The following AKR1B1 variants were observed in gnomAD, a reference collection of about 807,000 sequenced individuals.
AKR1B1 encodes aldo-keto reductase family 1 member B, also known as aldo-keto reductase family 1 member B1.
AKR1B1 carries 22 observed loss-of-function variants against 40.4 expected under a neutral mutation model. The observed-to-expected ratio is 0.54, with a 90% CI of 0.39 to 0.78. The LOEUF is 0.78. Ranked by LOEUF, AKR1B1 falls within the 30% of genes least tolerant of loss-of-function variation. The pLI, the probability that AKR1B1 is intolerant of heterozygous loss-of-function variation, is 0.00. For synonymous variants in AKR1B1, 157 were observed against 149.9 expected, an observed-to-expected ratio of 1.05 and a Z score of -0.35; for missense variants, 357 against 396.7, an observed-to-expected ratio of 0.90 and a Z score of 0.85.
rs746258378 is a variant in AKR1B1, at chr7:134,447,298, C to T, written c.825G>A (p.Lys275=). The change falls in exon 8 of 10, where the codon AAG becomes AAA. Residue 275 remains lysine (K), a splice_region_variant and synonymous_variant. Transcript: ENST00000285930. ...VTPERIAENF[K]VFDFELSSQD... is the part of the protein sequence containing the mutation. ...CAGGCCTGACCAGCCAAGATCTTAC[C>T]TTAAAGTTCTCAGCAATGCGTTCTG... 6.2e-7 allele frequency: 1 copy of T among 1,613,826 alleles called. No individual in the cohort carries two copies. Among genetic ancestry groups the T allele is most frequent in the Non-Finnish European group, 8.5e-7 (1 of 1,179,782 alleles).
chr7:134,444,405 A>C (rs1252878056), intron 9 of AKR1B1, among the ~76,000 whole-genome samples: 3 of 152,374 alleles, frequency 2.0e-5, no homozygotes, highest in African/African-American at 7.2e-5. Flanking sequence ...AGCCACCAGC[A>C]GTGCAAACTC....
intron 6 of AKR1B1, 75 bp from the exon 7 acceptor site, chr7:134,448,136 C>G: frequency 7.8e-7 from 1 of 1,278,180 alleles, no homozygotes; most frequent in Non-Finnish European, 1.1e-6. Context: ...CAACCCTAAT[C>G]CTCCCATCGA....
chr7:134,458,896 C>A, intron 1 of AKR1B1, 101 bp downstream of exon 1: 1 of 1,378,860 alleles, frequency 7.3e-7, no homozygotes. Flanking sequence ...GCCGGGCGTC[C>A]GCGGGGCGAG....
At position 134,447,953 on chromosome 7, in the gene AKR1B1, G is replaced by A. The variant is rs376109558; in HGVS notation, c.741+27C>T. 4.3e-5 allele frequency: 69 copies of A among 1,595,066 alleles called. No homozygotes were observed. In the African/African-American group the frequency reaches 5.9e-4, roughly 14 times the overall value. On this transcript the variant is annotated intron_variant, in intron 7 of 9. Coordinates refer to ENST00000285930, the MANE Select transcript of AKR1B1 (RefSeq NM_001628.4). ...GTCAGGAATGCAGGCAGTTGTGGAC[G>A]GTCAGCAACACCTGAAGTGGCTGTA...
rs148734072 is a variant in AKR1B1 at position 134,457,181 on chromosome 7, T to A, written c.66+1816A>T. Among the ~76,000 whole-genome samples the A allele has an allele frequency of 6.3e-4, 96 of 152,080 alleles. 1 individual carries two copies. The highest frequency in any genetic ancestry group is 2.2e-3 in the African/African-American group (90 of 41,478). On this transcript the variant is annotated intron_variant, in intron 1 of 9. Coordinates refer to ENST00000285930, the MANE Select transcript of AKR1B1 (RefSeq NM_001628.4). ...TTACTCCTTATTTACCCTAGAGTAG[T>A]GATTTTCAAATGATGGGTCACAAAA...
At chr7:134,444,254 T>C (rs116180688) in intron 9 of AKR1B1, among the ~76,000 whole-genome samples, 1 of 152,258 alleles carries the variant, frequency 6.6e-6, no homozygotes, top group Non-Finnish European at 1.5e-5. Flanking sequence ...GCCTGTGACA[T>C]GCTCTGTTTG....
rs1034411005 is a variant in AKR1B1, at chr7:134,451,177, T to A, written c.235-275A>T. On this transcript the variant is annotated intron_variant, in intron 2 of 9. Transcript: ENST00000285930. ...GGCCTAAGCAAGAACTCTCGAAACT[T>A]TCCCCCCGGGCTGGTGTTTGTGGAG... 4 of 559,336 alleles carry A rather than the reference T, an allele frequency of 7.2e-6. No homozygotes were observed. The South Asian group carries it at 7.9e-5, about 11-fold the overall frequency. The allele number at this position is 559,336 out of a possible 1,614,324, so 34.6% of individuals were successfully genotyped here.
chr7:134,443,463 T>C (rs183198338), intron 9 of AKR1B1, among the ~76,000 whole-genome samples: 3 of 151,732 alleles, frequency 2.0e-5, no homozygotes, highest in Admixed American at 2.0e-4. Context: ...TCTCAAAGGA[T>C]AAGAGAAGCA....
chr7:134,446,463 C>T (rs2734656), intron 8 of AKR1B1, among the ~76,000 whole-genome samples: 1 of 152,244 alleles, frequency 6.6e-6, no homozygotes, highest in Admixed American at 6.5e-5. Flanking sequence ...CATGGCTGTG[C>T]TGCGCTCGGC....
chr7:134,453,329 C>T (rs1806352621), intron 1 of AKR1B1, among the ~76,000 whole-genome samples: 2 of 152,194 alleles, frequency 1.3e-5, no homozygotes, highest in Non-Finnish European at 2.9e-5. Context: ...GGCCATAAGA[C>T]TCAATCTTTG....
intron 3 of AKR1B1, 25 bp from the exon 4 acceptor site, chr7:134,449,822 A>G (rs1198907663): frequency 6.9e-6 from 11 of 1,599,134 alleles, no homozygotes; most frequent in Non-Finnish European, 9.4e-6. Context: ...AAAAACAAAC[A>G]AACAAAACAA....
chr7:134,447,791 T>C (rs1361098868), intron 7 of AKR1B1, 189 bp downstream of exon 7: 8 of 692,870 alleles, frequency 1.2e-5, no homozygotes, highest in East Asian at 8.2e-5. Flanking sequence ...GCAGGCACTA[T>C]TAATCTAAGA....
chr7:134,448,053 G>T lies in AKR1B1; in HGVS notation c.668C>A (p.Pro223His), dbSNP rs1327710888. 1 of 1,612,188 alleles carries T rather than the reference G, an allele frequency of 6.2e-7. No homozygotes were observed. Among genetic ancestry groups the T allele is most frequent in the Admixed American group, 1.7e-5 (1 of 59,870 alleles). The change falls in exon 7 of 10, where the codon CCC becomes CAC. Residue 223 changes from proline (P) to histidine (H), a missense_variant. Physicochemically the swap from Pro to His is moderately conservative, Grantham distance 77 (BLOSUM62 -2). Coordinates refer to ENST00000285930, the MANE Select transcript of AKR1B1 (RefSeq NM_001628.4). ...LGSPDRPWAK[P>H]EDPSLLEDPR... ...ATCCTCCAGGAGAGAAGGGTCCTCG[G>T]GCTTGGCCCTGAGGATAGAAAGACA...
chr7:134,447,885 G>C (rs1185348117), intron 7 of AKR1B1, 95 bp downstream of exon 7: 1 of 1,073,532 alleles, frequency 9.3e-7, no homozygotes, highest in Non-Finnish European at 1.4e-6. Flanking sequence ...TCCTGTGAGG[G>C]TGTAACAGGC....
In AKR1B1 at chr7:134,447,479, GA is replaced by G. The variant is rs1012839743; in HGVS notation, c.742-99del. ...ACACAACCTGCAGAAGGACGTGCTAGAACTCCACAGGTGATCAGAGAGGGGC... is the reference window on the plus strand; with the variant it reads ...ACACAACCTGCAGAAGGACGTGCTAGACTCCACAGGTGATCAGAGAGGGGC... On this transcript the variant is annotated intron_variant, in intron 7 of 9. Transcript: ENST00000285930. 8.3e-5 allele frequency: 86 copies of G among 1,041,790 alleles called. 1 individual carries two copies. In the Admixed American group the frequency reaches 1.5e-3, roughly 18 times the overall value. 64.5% of individuals were successfully genotyped at this position (1,041,790 alleles called of 1,614,324 possible).
chr7:134,459,066 T>G lies in AKR1B1; in HGVS notation c.-4A>C, dbSNP rs751586863. 1.9e-6 allele frequency: 3 copies of G among 1,601,964 alleles called. No homozygotes were observed. The highest frequency in any genetic ancestry group is 2.3e-5 in the East Asian group (1 of 44,230). ...TGAGCAGGAGACGGCTTGCCATGGC[T>G]GCTGCGCTCCCCAGACCCCCGCCCA... On this transcript the variant is annotated 5_prime_UTR_variant, in exon 1 of 10. Transcript: ENST00000285930.
chr7:134,445,025 C>T (rs1157656957), intron 9 of AKR1B1: 1 of 638,642 alleles, frequency 1.6e-6, no homozygotes, highest in East Asian at 2.7e-5. Flanking sequence ...TGCCCCAGGG[C>T]TGGAAGAAGA....
chr7:134,452,362 G>A (rs1200038257), intron 1 of AKR1B1, among the ~76,000 whole-genome samples: 1 of 152,204 alleles, frequency 6.6e-6, no homozygotes, highest in Non-Finnish European at 1.5e-5. Context: ...TTCAAGGGGT[G>A]GAGACACGGG....
intron 3 of AKR1B1, 151 bp downstream of exon 3, chr7:134,450,635 C>T (rs1363325275): frequency 2.7e-6 from 2 of 736,006 alleles, no homozygotes; most frequent in Non-Finnish European, 4.9e-6. Context: ...TAAGACGCTC[C>T]CAGGTGATGC....
Sources: allele counts gnomAD v4.1 joint callset (sites outside exome capture counted in the v4.1 genomes callset), GRCh38; gene constraint gnomAD v4.1.1; transcripts MANE v1.5; gene names NCBI Gene and HGNC (gene_info 2026-07-23, HGNC 2026-07-21).